PPP3CC: variants seen among roughly 807,000 people sequenced by gnomAD.
The protein encoded by PPP3CC is protein phosphatase 3 catalytic subunit gamma, also known as serine/threonine-protein phosphatase 2B catalytic subunit gamma isoform.
PPP3CC carries 35 observed loss-of-function variants against 60.3 expected under a neutral mutation model. The ratio of observed to expected loss-of-function variants is 0.58; its 90% CI spans 0.44 to 0.77. PPP3CC has a LOEUF of 0.77. Among genes scored for constraint, PPP3CC ranks in the 30% least tolerant of loss-of-function variants. The pLI is 0.00. For synonymous variants in PPP3CC, 206 were observed against 224.3 expected, an observed-to-expected ratio of 0.92 and a Z score of 0.73; for missense variants, 570 against 628.9, an observed-to-expected ratio of 0.91 and a Z score of 1.00.
intron 8 of PPP3CC, among the ~76,000 whole-genome samples, chr8:22,523,188 C>T (rs1280225174): frequency 6.6e-6 from 1 of 151,374 alleles, no homozygotes; most frequent in East Asian, 1.9e-4. Context: ...ACCTAGTGTA[C>T]AAAGTCAAAA....
chr8:22,471,803 C>G (rs1389100279), intron 1 of PPP3CC, among the ~76,000 whole-genome samples: 1 of 152,088 alleles, frequency 6.6e-6, no homozygotes, highest in Non-Finnish European at 1.5e-5. Flanking sequence ...TTTATAAACA[C>G]TGAACACTTA....
Position 22,513,427 on chromosome 8 carries a change from C to A in PPP3CC, c.765C>A (p.Phe255Leu). 1.3e-6 allele frequency: 2 copies of A among 1,598,544 alleles called. No individual in the cohort carries two copies. The highest frequency in any genetic ancestry group is 1.7e-6 in the Non-Finnish European group (2 of 1,174,764). The change falls in exon 6 of 14, where the codon TTC becomes TTA. Residue 255 changes from phenylalanine to leucine, a missense_variant. Phe to Leu is a conservative substitution (Grantham distance 22, BLOSUM62 0). Coordinates refer to ENST00000240139, the MANE Select transcript of PPP3CC (RefSeq NM_005605.5). ...ACACTGTCCGAGGGTGCTCTTATTT[C>A]TACAGGTAAGCTAGTCCTTGAGGTC... The part of the protein sequence containing the change: ...THNTVRGCSY[F>L]YSYPAVCEFL...
At chr8:22,515,049 G>C (rs993733554) in intron 6 of PPP3CC, among the ~76,000 whole-genome samples, 1 of 152,034 alleles carries the variant, frequency 6.6e-6, no homozygotes, top group Non-Finnish European at 1.5e-5. Flanking sequence ...AAATCTCACA[G>C]TATCAAATAC....
Position 22,458,319 on chromosome 8 carries a change from TG to T in PPP3CC, c.50-16632del, listed in dbSNP as rs1295563602. ...AACTTCACTATTAACAAATATCAGC[TG>T]GGCTCGGTGGCTCACGCCTGTAATC... On this transcript the variant is annotated intron_variant, in intron 1 of 13. Coordinates refer to ENST00000240139, the MANE Select transcript of PPP3CC (RefSeq NM_005605.5). 2.0e-5 allele frequency among the ~76,000 whole-genome samples: 3 copies of T among 151,788 alleles called. No individual in the cohort carries two copies. In the East Asian group the frequency reaches 5.9e-4, roughly 30 times the overall value.
intron 9 of PPP3CC, 84 bp from the exon 10 acceptor site, chr8:22,528,420 CAT>C (rs1477315359): frequency 4.7e-5 from 39 of 822,596 alleles, no homozygotes; most frequent in Admixed American, 8.8e-5. Flanking sequence ...GCTTACTTAA[CAT>C]GTGTGTTTAT....
chr8:22,512,335 CAATT>C (rs1161010520), intron 5 of PPP3CC, among the ~76,000 whole-genome samples: 12 of 152,290 alleles, frequency 7.9e-5, no homozygotes, highest in Non-Finnish European at 1.5e-4. Flanking sequence ...AATTCTGAAT[CAATT>C]GTATCAATAA....
At chr8:22,450,043 G>A (rs1490519470) in intron 1 of PPP3CC, among the ~76,000 whole-genome samples, 1 of 151,084 alleles carries the variant, frequency 6.6e-6, no homozygotes, top group Non-Finnish European at 1.5e-5. Context: ...ATTTTTTTTT[G>A]TATTTTTAGT....
Position 22,511,103 on chromosome 8 carries a change from G to C in PPP3CC, c.502G>C (p.Glu168Gln), listed in dbSNP as rs376449000. The C allele has an allele frequency of 1.2e-6, 2 of 1,613,736 alleles. No individual in the cohort carries two copies. The highest frequency in any genetic ancestry group is 2.7e-5 in the African/African-American group (2 of 74,908). ...TTTGTTAGGTCGAATCAAATATTCG[G>C]AACAGGTGTATGATGCCTGTATGGA... is the stretch of plus-strand genomic sequence containing the variant. ...FKQECRIKYS[E>Q]QVYDACMETF... The change falls in exon 5 of 14, where the codon GAA (glutamate) becomes CAA (glutamine). Residue 168 changes from glutamate (E) to glutamine (Q), a missense_variant. Coordinates refer to ENST00000240139, the MANE Select transcript of PPP3CC (RefSeq NM_005605.5).
At chr8:22,506,957 TAAATAAA>T (rs1325972373) in intron 4 of PPP3CC, among the ~76,000 whole-genome samples, 2 of 150,820 alleles carry the variant, frequency 1.3e-5, no homozygotes, top group Admixed American at 6.6e-5. Context: ...TTAAATTAAA[TAAATAAA>T]AAATAAAAAA....
At chr8:22,459,925 A>G (rs1005600860) in intron 1 of PPP3CC, among the ~76,000 whole-genome samples, 5 of 152,208 alleles carry the variant, frequency 3.3e-5, no homozygotes, top group Non-Finnish European at 5.9e-5. Context: ...TTGTTCTTCT[A>G]AAGATGTTTA....
At chr8:22,448,632 G>A (rs1337732243) in intron 1 of PPP3CC, among the ~76,000 whole-genome samples, 2 of 152,000 alleles carry the variant, frequency 1.3e-5, no homozygotes, top group Non-Finnish European at 2.9e-5. Flanking sequence ...GCCCACCTCC[G>A]CCTCCCAAAG....
chr8:22,482,904 C>A (rs75378213), intron 3 of PPP3CC, among the ~76,000 whole-genome samples: 6,663 of 151,834 alleles, frequency 0.044, 386 homozygotes, highest in African/African-American at 0.12. Context: ...TCATAACAGT[C>A]GAGTTAGAAT....
chr8:22,517,673 A>T (rs1839289755), intron 6 of PPP3CC, among the ~76,000 whole-genome samples: 1 of 151,880 alleles, frequency 6.6e-6, no homozygotes, highest in South Asian at 2.1e-4. Context: ...GTCCGTTATG[A>T]TCCCTTTTAT....
intron 13 of PPP3CC, 110 bp downstream of exon 13, chr8:22,539,608 G>C (rs1336365648): frequency 3.6e-6 from 4 of 1,105,904 alleles, no homozygotes; most frequent in Non-Finnish European, 5.2e-6. Flanking sequence ...AACTATAACA[G>C]TGAGAAAAGG....
At chr8:22,511,010 A>C in intron 4 of PPP3CC, 76 bp from the exon 5 acceptor site, 508 of 1,231,518 alleles carry the variant, frequency 4.1e-4, no homozygotes, top group Non-Finnish European at 5.1e-4. Flanking sequence ...GTAGCTTCAT[A>C]TTCTCCTGGC....
At chr8:22,523,316 A>T (rs1316811173) in intron 8 of PPP3CC, among the ~76,000 whole-genome samples, 1 of 152,164 alleles carries the variant, frequency 6.6e-6, no homozygotes, top group Non-Finnish European at 1.5e-5. Flanking sequence ...GGATATATAC[A>T]TGCCTTTTGT....
In PPP3CC at chr8:22,492,666, A is replaced by G. The variant is rs916325368; in HGVS notation, c.373-5335A>G. On this transcript the variant is annotated intron_variant, in intron 3 of 13. Coordinates refer to ENST00000240139, the MANE Select transcript of PPP3CC (RefSeq NM_005605.5). ...GAAAGACTTGCCAAACTGCAGGCAC[A>G]AGTGCGCATTGGTGGGAAAGAAATG... The G allele has an allele frequency of 1.8e-5, 13 of 722,594 alleles. No individual in the cohort carries two copies. The Admixed American group carries it at 2.7e-4, about 15-fold the overall frequency. 44.8% of individuals were successfully genotyped at this position (722,594 alleles called of 1,614,324 possible).
chr8:22,511,330 C>T (rs974221147), intron 5 of PPP3CC, 99 bp downstream of exon 5: 3 of 1,323,038 alleles, frequency 2.3e-6, no homozygotes, highest in Non-Finnish European at 3.1e-6. Flanking sequence ...CTCTCTTTCA[C>T]CCGGGCTGAA....
At chr8:22,459,505 T>C (rs896091764) in intron 1 of PPP3CC, among the ~76,000 whole-genome samples, 47 of 152,090 alleles carry the variant, frequency 3.1e-4, no homozygotes, top group Non-Finnish European at 5.7e-4. Context: ...AGGTGGTTTA[T>C]CTAGAATTGT....
Sources: allele counts gnomAD v4.1 joint callset (sites outside exome capture counted in the v4.1 genomes callset), GRCh38; gene constraint gnomAD v4.1.1; transcripts MANE v1.5; gene names NCBI Gene and HGNC (gene_info 2026-07-23, HGNC 2026-07-21).